Variants in ZNF160 observed in about 807,000 individuals in gnomAD.
ZNF160 encodes KRAB zinc finger protein KR18.
A neutral mutation model predicts 13.1 loss-of-function variants in ZNF160; 9 were observed. The observed-to-expected ratio is 0.69, with a 90% confidence interval of 0.41 to 1.20. ZNF160 has a LOEUF of 1.20. Among genes scored for constraint, ZNF160 ranks in the 50% most tolerant of loss-of-function variants. The pLI is 0.01. For missense variants in ZNF160, 838 were observed against 988.0 expected (o/e 0.85, Z 2.04); for synonymous variants, 293 against 333.2 (o/e 0.88, Z 1.31).
chr19:53,074,972 T>TG, intron 4 of ZNF160, 85 bp downstream of exon 4: 2 of 1,586,536 alleles, frequency 1.3e-6, no homozygotes. Context: ...AGTCAAGCAA[T>TG]GCAGGGGCTC....
In ZNF160 at chr19:53,069,630, T is replaced by C. The variant is rs759826632; in HGVS notation, c.904A>G (p.Ile302Val). ...KTFTVRSNLT[I>V]HQVIHTGEKP... is the part of the protein sequence containing the mutation. ...TCTCCAGTATGGATGACCTGATGAA[T>C]AGTTAGATTTGAACGAACAGTAAAG... Residue 302 changes from isoleucine (I) to valine (V), a missense_variant, in exon 6 of 6, where the codon ATT (isoleucine) becomes GTT (valine). This residue lies in a region of ZNF160 where 387 missense variants were observed against 402.3 expected (regional missense o/e 0.96). Coordinates refer to ENST00000683776, the MANE Select transcript of ZNF160 (RefSeq NM_001322131.2). This position sits in a 1 kb window ranked among gnomAD's most constrained non-coding sequence, Gnocchi z 4.4. 1 of 1,613,906 alleles carries C rather than the reference T, an allele frequency of 6.2e-7. No individual in the cohort carries two copies. Among genetic ancestry groups the C allele is most frequent in the Non-Finnish European group, 8.5e-7 (1 of 1,179,796 alleles).
At position 53,069,891 on chromosome 19, in the gene ZNF160, A is replaced by G; in HGVS notation, c.643T>C (p.Ser215Pro). The change falls in exon 6 of 6, where the codon TCC becomes CCC. Residue 215 changes from serine to proline, a missense_variant. Coordinates refer to ENST00000683776, the MANE Select transcript of ZNF160 (RefSeq NM_001322131.2). The surrounding 1 kb of genome is among the most constrained non-coding windows in gnomAD (Gnocchi z 4.4). Reference sequence around the variant, plus strand: ...ATTTGTTGAAGTGGTGACACTGAGGAACCATTGTTGGTAGACTTCTCAACT... The same window carrying G: ...ATTTGTTGAAGTGGTGACACTGAGGGACCATTGTTGGTAGACTTCTCAACT... ...NQVEKSTNNG[S>P]SVSPLQQIPS... The G allele has an allele frequency of 1.9e-6, 3 of 1,614,118 alleles. No individual in the cohort carries two copies. Among genetic ancestry groups the G allele is most frequent in the Non-Finnish European group, 2.5e-6 (3 of 1,180,020 alleles).
In ZNF160 at chr19:53,074,234, C is replaced by A; in HGVS notation, c.177G>T (p.Met59Ile). The change falls in exon 5 of 6, where the codon ATG becomes ATT. Residue 59 changes from methionine to isoleucine, a missense_variant. By Grantham distance (10) the Met-to-Ile change is conservative. Around this residue, in one of 3 missense-constraint regions of ZNF160, gnomAD observed 387 missense variants for 402.3 expected, o/e 0.96. Transcript: ENST00000683776. ...LCHFDMNIIS[M>I]LEEGKEPWTV... is the part of the protein sequence containing the mutation. Reference sequence around the variant, plus strand: ...TCCAGGGCTCTTTCCCTTCCTCCAACATGGAGATAATATTCATATCAAAAT... The same window carrying A: ...TCCAGGGCTCTTTCCCTTCCTCCAAAATGGAGATAATATTCATATCAAAAT... 2 of 1,614,118 alleles carry A rather than the reference C, an allele frequency of 1.2e-6. No individual in the cohort carries two copies. The highest frequency in any genetic ancestry group is 1.7e-6 in the Non-Finnish European group (2 of 1,180,018).
intron 1 of ZNF160, among the ~76,000 whole-genome samples, chr19:53,094,766 G>A (rs1219711017): frequency 1.3e-5 from 2 of 152,156 alleles, no homozygotes; most frequent in South Asian, 2.1e-4. Context: ...CTGAAAATAA[G>A]CAGGAAGCAT....
chr19:53,098,156 A>C (rs578238387), intron 1 of ZNF160, among the ~76,000 whole-genome samples: 1 of 152,192 alleles, frequency 6.6e-6, no homozygotes, highest in South Asian at 2.1e-4. Context: ...CCCAAAACCC[A>C]CTTCCAGGTG....
At chr19:53,086,589 G>C (rs968526068) in intron 2 of ZNF160, among the ~76,000 whole-genome samples, 1 of 152,064 alleles carries the variant, frequency 6.6e-6, no homozygotes, top group Non-Finnish European at 1.5e-5. Flanking sequence ...TGGGGAGCTG[G>C]GCTGGACTGA....
At chr19:53,092,089 C>G (rs1447043477) in intron 1 of ZNF160, among the ~76,000 whole-genome samples, 1 of 152,164 alleles carries the variant, frequency 6.6e-6, no homozygotes, top group Admixed American at 6.5e-5. Flanking sequence ...CTACATATGG[C>G]GTAATTTGAA....
chr19:53,075,876 C>G, intron 3 of ZNF160: 1 of 514,442 alleles, frequency 1.9e-6, no homozygotes, highest in Non-Finnish European at 3.9e-6. Flanking sequence ...TTGTGACTGG[C>G]ATTAATGTGT....
intron 3 of ZNF160, among the ~76,000 whole-genome samples, chr19:53,083,177 G>A (rs774009033): frequency 6.6e-6 from 1 of 152,134 alleles, no homozygotes; most frequent in African/African-American, 2.4e-5. Flanking sequence ...TCATGAAGTA[G>A]GCATGATTAA....
intron 1 of ZNF160, among the ~76,000 whole-genome samples, chr19:53,094,081 G>A (rs1180630053): frequency 6.6e-6 from 1 of 152,120 alleles, no homozygotes; most frequent in East Asian, 1.9e-4. Context: ...AAATGCATCC[G>A]AAAGCTTCTT....
intron 3 of ZNF160, among the ~76,000 whole-genome samples, chr19:53,082,877 T>A (rs1281778263): frequency 2.9e-5 from 2 of 69,184 alleles, no homozygotes; most frequent in East Asian, 6.4e-4. Flanking sequence ...AGGTTGTTTT[T>A]CCTGTGCTTT....
At position 53,068,706 on chromosome 19, in the gene ZNF160, A is replaced by G. The variant is rs2084050847; in HGVS notation, c.1828T>C (p.Phe610Leu). The G allele has an allele frequency of 1.2e-6, 2 of 1,613,532 alleles. No homozygotes were observed. Among genetic ancestry groups the G allele is most frequent in the Non-Finnish European group, 8.5e-7 (1 of 1,179,916 alleles). The change falls in exon 6 of 6, where the codon TTT becomes CTT. Residue 610 changes from phenylalanine to leucine, a missense_variant. Transcript: ENST00000683776. ...TCTCCAGTATGTATTGCCTGATGAA[A>G]AGTTAGGCTTGAACGATCACTAAAG... ...RAFSDRSSLTFHQAIHTGEKP... is the reference protein window; with the variant it reads ...RAFSDRSSLTLHQAIHTGEKP...
chr19:53,085,904 T>A (rs942967430), intron 3 of ZNF160: 4 of 830,650 alleles, frequency 4.8e-6, no homozygotes, highest in African/African-American at 1.7e-5. Flanking sequence ...GCACCTGACT[T>A]CATGGGCAGC....
chr19:53,081,276 TTAATTAA>T (rs1203976495), intron 3 of ZNF160, among the ~76,000 whole-genome samples: 1 of 152,198 alleles, frequency 6.6e-6, no homozygotes, highest in Admixed American at 6.5e-5. Flanking sequence ...CAAGTGGAAC[TTAATTAA>T]AGAGCTTGTA....
intron 3 of ZNF160, among the ~76,000 whole-genome samples, chr19:53,083,853 G>A (rs778403002): frequency 4.1e-4 from 62 of 152,222 alleles, no homozygotes; most frequent in Non-Finnish European, 8.7e-4. Flanking sequence ...GCTACAGTGA[G>A]CCATGACTGT....
intron 2 of ZNF160, among the ~76,000 whole-genome samples, chr19:53,088,415 G>A (rs1187609470): frequency 6.7e-6 from 1 of 149,706 alleles, no homozygotes; most frequent in East Asian, 2.0e-4. Context: ...GCTCACGCTT[G>A]TAATCCCAGT....
chr19:53,074,649 G>A (rs1013829289), intron 4 of ZNF160, among the ~76,000 whole-genome samples: 3 of 136,282 alleles, frequency 2.2e-5, no homozygotes, highest in East Asian at 4.3e-4. Flanking sequence ...CAGCCCGGGC[G>A]ACAGAGCGAG....
At chr19:53,088,942 A>G (rs139363555) in intron 2 of ZNF160, among the ~76,000 whole-genome samples, 33 of 152,306 alleles carry the variant, frequency 2.2e-4, no homozygotes, top group Non-Finnish European at 4.3e-4. Flanking sequence ...GACCTGGTCA[A>G]TGTGCTTCCC....
intron 3 of ZNF160, among the ~76,000 whole-genome samples, chr19:53,079,175 T>C (rs758305955): frequency 6.6e-6 from 1 of 152,150 alleles, no homozygotes; most frequent in Non-Finnish European, 1.5e-5. Flanking sequence ...CACACTGACA[T>C]GGTGAAGGAC....
Sources: allele counts gnomAD v4.1 joint callset (sites outside exome capture counted in the v4.1 genomes callset), GRCh38; gene constraint gnomAD v4.1.1; regional missense constraint gnomAD v4.1.1; non-coding constraint Gnocchi (gnomAD v3.1); transcripts MANE v1.5; gene names NCBI Gene and HGNC (gene_info 2026-07-23, HGNC 2026-07-21).